Variants in TBC1D4 observed in about 807,000 individuals in gnomAD.
TBC1D4 encodes the protein TBC1 domain family member 4.
TBC1D4 carries 121 observed loss-of-function variants against 142.5 expected under a neutral mutation model. That is an observed-to-expected ratio of 0.85 (90% CI 0.73 to 0.99). TBC1D4 has a LOEUF of 0.99. TBC1D4 is among the 50% of genes least tolerant of loss of function. TBC1D4 has a pLI of 0.00. For missense variants in TBC1D4, 1,475 were observed against 1,606.6 expected (o/e 0.92, Z 1.40); for synonymous variants, 630 against 628.2 (o/e 1.00, Z -0.04).
intron 1 of TBC1D4, among the ~76,000 whole-genome samples, chr13:75,403,060 G>A (rs868819096): frequency 3.9e-4 from 60 of 152,100 alleles, no homozygotes; most frequent in Non-Finnish European, 2.1e-4. Flanking sequence ...GTGCTCCTGG[G>A]CCCCTCTCTC....
chr13:75,381,588 C>G (rs773161043), intron 1 of TBC1D4, among the ~76,000 whole-genome samples: 20 of 152,186 alleles, frequency 1.3e-4, no homozygotes, highest in Non-Finnish European at 2.8e-4. Flanking sequence ...ATGAACCCCC[C>G]ACCTTCAGTT....
At chr13:75,368,543 A>G (rs562753823) in intron 1 of TBC1D4, among the ~76,000 whole-genome samples, 5 of 152,200 alleles carry the variant, frequency 3.3e-5, no homozygotes, top group Admixed American at 6.5e-5. Flanking sequence ...GTTAGGCCAA[A>G]TTGTCAGAGA....
intron 11 of TBC1D4, among the ~76,000 whole-genome samples, chr13:75,323,548 A>G (rs1268965452): frequency 6.6e-6 from 1 of 152,144 alleles, no homozygotes; most frequent in African/African-American, 2.4e-5. Flanking sequence ...TGTGTTACTA[A>G]AAGAACAAGA....
chr13:75,464,523 A>G (rs1176107271), intron 1 of TBC1D4, among the ~76,000 whole-genome samples: 1 of 152,230 alleles, frequency 6.6e-6, no homozygotes, highest in Non-Finnish European at 1.5e-5. Context: ...GCTTACTGTC[A>G]ATAAATATGT....
intron 1 of TBC1D4, among the ~76,000 whole-genome samples, chr13:75,379,086 A>G (rs1216862788): frequency 1.3e-5 from 2 of 152,158 alleles, no homozygotes; most frequent in Non-Finnish European, 2.9e-5. Flanking sequence ...AAACATCTCA[A>G]TCACATAACA....
At chr13:75,346,073 T>C (rs2138099153) in intron 5 of TBC1D4, among the ~76,000 whole-genome samples, 1 of 152,354 alleles carries the variant, frequency 6.6e-6, no homozygotes, top group East Asian at 1.9e-4. Flanking sequence ...GAGGAAAATA[T>C]TACTTATAAA....
intron 18 of TBC1D4, among the ~76,000 whole-genome samples, chr13:75,293,928 C>A (rs1375053909): frequency 6.6e-6 from 1 of 151,982 alleles, no homozygotes; most frequent in Non-Finnish European, 1.5e-5. Flanking sequence ...GGCGCCAATA[C>A]AATTTGACAA....
intron 5 of TBC1D4, among the ~76,000 whole-genome samples, chr13:75,343,503 G>A (rs968389832): frequency 1.3e-5 from 2 of 151,962 alleles, no homozygotes; most frequent in Non-Finnish European, 2.9e-5. Context: ...CACTATCACA[G>A]TTTATTTTAT....
intron 8 of TBC1D4, among the ~76,000 whole-genome samples, chr13:75,329,434 TTCTCTCTCTCTC>T: frequency 6.9e-6 from 1 of 143,892 alleles, no homozygotes. Context: ...CTCTCTCTCT[TTCTCTCTCTCTC>T]TCTCCCCCGC....
chr13:75,406,439 C>T (rs547620336), intron 1 of TBC1D4, among the ~76,000 whole-genome samples: 10 of 152,298 alleles, frequency 6.6e-5, no homozygotes, highest in Middle Eastern at 6.8e-3. Flanking sequence ...ATGCTGTCTT[C>T]AACAGACGGC....
chr13:75,326,153 T>C, intron 10 of TBC1D4, 44 bp downstream of exon 10: 1 of 1,601,728 alleles, frequency 6.2e-7, no homozygotes, highest in Non-Finnish European at 8.5e-7. Flanking sequence ...CAAAACTGTG[T>C]GCCTTGAGAA....
At chr13:75,447,214 C>T (rs528661470) in intron 1 of TBC1D4, among the ~76,000 whole-genome samples, 137 of 152,088 alleles carry the variant, frequency 9.0e-4, no homozygotes, top group African/African-American at 3.1e-3. Flanking sequence ...CTTATATCAA[C>T]GGTAGAAGTA....
intron 1 of TBC1D4, among the ~76,000 whole-genome samples, chr13:75,399,536 T>C (rs4396420): frequency 0.9 from 133,164 of 147,532 alleles, 59,405 homozygotes; most frequent in South Asian, 0.94. Context: ...CAACCCACCT[T>C]ATCTACACCC....
intron 5 of TBC1D4, among the ~76,000 whole-genome samples, chr13:75,342,887 T>A (rs1880827314): frequency 6.6e-6 from 1 of 151,990 alleles, no homozygotes; most frequent in Non-Finnish European, 1.5e-5. Flanking sequence ...CATTTTAAAA[T>A]CATTTGTTAT....
At chr13:75,468,715 C>G (rs1017981725) in intron 1 of TBC1D4, among the ~76,000 whole-genome samples, 1 of 152,146 alleles carries the variant, frequency 6.6e-6, no homozygotes, top group Non-Finnish European at 1.5e-5. Context: ...AAACTAAAGG[C>G]AACCATATGA....
At chr13:75,473,700 G>C (rs1327404045) in intron 1 of TBC1D4, among the ~76,000 whole-genome samples, 1 of 152,184 alleles carries the variant, frequency 6.6e-6, no homozygotes, top group Non-Finnish European at 1.5e-5. Flanking sequence ...ACTTGGAAGA[G>C]ATCAGTAAAA....
At chr13:75,380,168 C>G (rs548317193) in intron 1 of TBC1D4, among the ~76,000 whole-genome samples, 1 of 151,326 alleles carries the variant, frequency 6.6e-6, no homozygotes, top group African/African-American at 2.4e-5. Context: ...CGTGAGCCAC[C>G]GCGCCTAGCC....
At position 75,283,902 on chromosome 13, in the gene TBC1D4, G is replaced by T. The variant is rs1365405831; in HGVS notation, c.*2890C>A. 6.6e-6 allele frequency among the ~76,000 whole-genome samples: 1 copy of T among 151,798 alleles called. No individual in the cohort carries two copies. ...GCAGATCTTTTTTGTTTGGTTGTTT[G>T]TTTTTCTTTTTTTTTGTCAAAGTCT... On this transcript the variant is annotated 3_prime_UTR_variant, in exon 21 of 21. Coordinates refer to ENST00000377636, the MANE Select transcript of TBC1D4 (RefSeq NM_014832.5).
At chr13:75,379,869 A>C (rs1883715917) in intron 1 of TBC1D4, among the ~76,000 whole-genome samples, 1 of 145,216 alleles carries the variant, frequency 6.9e-6, no homozygotes, top group South Asian at 2.3e-4. Context: ...GAAGTATATC[A>C]GTTTTGTTCA....
Sources: allele counts gnomAD v4.1 joint callset (sites outside exome capture counted in the v4.1 genomes callset), GRCh38; gene constraint gnomAD v4.1.1; transcripts MANE v1.5; gene names NCBI Gene and HGNC (gene_info 2026-07-23, HGNC 2026-07-21).